Variants in HYAL4 observed in about 807,000 individuals in gnomAD.
HYAL4 encodes the protein hyaluronidase-4.
In HYAL4, 37 loss-of-function variants were observed where a neutral mutation model predicts 35.2. The observed-to-expected ratio is 1.05, with a 90% CI of 0.81 to 1.38. The LOEUF is 1.38. HYAL4 is among the 40% of genes most tolerant of loss of function. The pLI is 0.00. For missense variants in HYAL4, 572 were observed against 572.4 expected (o/e 1.00, Z 0.01); for synonymous variants, 198 against 203.2 (o/e 0.97, Z 0.22).
the HYAL4 span, among the ~76,000 whole-genome samples, chr7:123,807,318 A>G: frequency 6.6e-6 from 1 of 152,232 alleles, no homozygotes; most frequent in Non-Finnish European, 1.5e-5. Context: ...AGAAAACTAA[A>G]ACCATAAATA....
chr7:123,843,972 T>C (rs1806122764), upstream of HYAL4, among the ~76,000 whole-genome samples: 2 of 152,014 alleles, frequency 1.3e-5, no homozygotes, highest in African/African-American at 4.8e-5. Context: ...AGTTTGTTAT[T>C]ACTGACCTTC....
chr7:123,780,182 C>T, the HYAL4 span, among the ~76,000 whole-genome samples: 1 of 152,160 alleles, frequency 6.6e-6, no homozygotes, highest in South Asian at 2.1e-4. Flanking sequence ...CTAAGTCATA[C>T]TATAGATTAC....
At chr7:123,842,571 T>TG (rs780561877), upstream of HYAL4, among the ~76,000 whole-genome samples, 32 of 151,998 alleles carry the variant, frequency 2.1e-4, 2 homozygotes, top group Non-Finnish European at 4.6e-4. Context: ...TCTGTCATGT[T>TG]GATCTGTCTA....
chr7:123,817,671 G>A, the HYAL4 span, among the ~76,000 whole-genome samples: 1 of 149,298 alleles, frequency 6.7e-6, no homozygotes, highest in Admixed American at 6.7e-5. Context: ...CCACCACGCC[G>A]GCTAATTTTT....
the HYAL4 span, among the ~76,000 whole-genome samples, chr7:123,773,625 T>A: frequency 6.6e-6 from 1 of 152,318 alleles, no homozygotes; most frequent in Non-Finnish European, 1.5e-5. Flanking sequence ...AATTTTACCT[T>A]GGGGTGTGTG....
chr7:123,808,418 C>CGTGTGTGTGTGTGTGT, the HYAL4 span, among the ~76,000 whole-genome samples: 2 of 142,590 alleles, frequency 1.4e-5, no homozygotes, highest in Non-Finnish European at 3.0e-5. Flanking sequence ...TGTATCATCA[C>CGTGTGTGTGTGTGTGT]GTGTGTGTGT....
the HYAL4 span, among the ~76,000 whole-genome samples, chr7:123,807,695 C>T: frequency 2.1e-4 from 32 of 150,890 alleles, no homozygotes; most frequent in African/African-American, 4.9e-4. Context: ...CCTGCCTTGG[C>T]CTCTCAAGGT....
the HYAL4 span, among the ~76,000 whole-genome samples, chr7:123,807,883 C>T: frequency 4.0e-5 from 6 of 149,772 alleles, no homozygotes; most frequent in African/African-American, 1.5e-4. Context: ...AAGTGCATGC[C>T]ACCACATCCA....
chr7:123,843,197 C>G (rs1032236945), upstream of HYAL4, among the ~76,000 whole-genome samples: 3 of 151,934 alleles, frequency 2.0e-5, no homozygotes, highest in African/African-American at 4.8e-5. Context: ...AGGCCTGGTC[C>G]TGACAAAATC....
chr7:123,807,912 A>AT, the HYAL4 span, among the ~76,000 whole-genome samples: 26 of 115,320 alleles, frequency 2.3e-4, no homozygotes, highest in Middle Eastern at 3.9e-3. Context: ...TTTTAGCTGG[A>AT]TAATTATTAT....
the HYAL4 span, among the ~76,000 whole-genome samples, chr7:123,773,207 A>G: frequency 1.3e-5 from 2 of 152,166 alleles, no homozygotes; most frequent in Non-Finnish European, 2.9e-5. Context: ...TAATGCAACA[A>G]ATAGTCCAGG....
At chr7:123,784,541 A>T in the HYAL4 span, among the ~76,000 whole-genome samples, 1 of 152,238 alleles carries the variant, frequency 6.6e-6, no homozygotes, top group Non-Finnish European at 1.5e-5. Context: ...GAAGGTCAGA[A>T]ATAGGAAACC....
At chr7:123,803,472 C>A in the HYAL4 span, among the ~76,000 whole-genome samples, 1 of 152,170 alleles carries the variant, frequency 6.6e-6, no homozygotes, top group African/African-American at 2.4e-5. Flanking sequence ...TTTTCATCTT[C>A]CACAGCTTGC....
In HYAL4 at chr7:123,845,276, T is replaced by G. The variant is rs1390731161; in HGVS notation, c.-531T>G. On this transcript the variant is annotated 5_prime_UTR_variant, in exon 1 of 5. Transcript: ENST00000223026. ...CAGGCTAGAGTGTAGTGGTGTGATC[T>G]CGGCTCACTGCAACCACTGCCTCCT... 1 of 141,658 alleles carries G rather than the reference T, an allele frequency of 7.1e-6. No homozygotes were observed. Among genetic ancestry groups the G allele is most frequent in the Non-Finnish European group, 1.5e-5 (1 of 65,210 alleles). The allele number at this position is 141,658 out of a possible 1,614,324, so 8.8% of individuals were successfully genotyped here. A position where few individuals can be genotyped will look rare whatever the true frequency, so the allele number is the denominator to read the frequency against.
rs568077087 is a variant in HYAL4, at chr7:123,869,322, T to C, written c.954+95T>C. Reference sequence around the variant, plus strand: ...ATGTTCTTTGAAGAATTGATTTCAATTAATGGTTTGTTATATGGGAGCATA... The same window carrying C: ...ATGTTCTTTGAAGAATTGATTTCAACTAATGGTTTGTTATATGGGAGCATA... On this transcript the variant is annotated intron_variant, in intron 3 of 4. Transcript: ENST00000223026. 159 of 880,996 alleles carry C rather than the reference T, an allele frequency of 1.8e-4. 1 individual carries two copies. Among genetic ancestry groups the C allele is most frequent in the Non-Finnish European group, 2.5e-4 (151 of 593,342 alleles). 54.6% of individuals were successfully genotyped at this position (880,996 alleles called of 1,614,324 possible).
At chr7:123,875,991 G>T (rs1176378021) in intron 4 of HYAL4, 11 of 456,434 alleles carry the variant, frequency 2.4e-5, no homozygotes, top group Non-Finnish European at 4.8e-5. Context: ...TGAGAATTAG[G>T]TAGAAACTGA....
chr7:123,805,855 C>T, the HYAL4 span, among the ~76,000 whole-genome samples: 366 of 152,026 alleles, frequency 2.4e-3, no homozygotes, highest in South Asian at 0.017. Flanking sequence ...ATAGGCCGGG[C>T]GTAGTGGCAG....
chr7:123,856,173 A>G (rs1303403165), intron 2 of HYAL4, among the ~76,000 whole-genome samples: 2 of 151,812 alleles, frequency 1.3e-5, no homozygotes, highest in Non-Finnish European at 2.9e-5. Flanking sequence ...GGAGTTTGTT[A>G]TTACCCACCT....
At chr7:123,846,017 T>G (rs2116921570) in intron 1 of HYAL4, among the ~76,000 whole-genome samples, 1 of 152,314 alleles carries the variant, frequency 6.6e-6, no homozygotes, top group South Asian at 2.1e-4. Flanking sequence ...TGCAGGTCTC[T>G]CAGCCATGGA....
Sources: gnomAD v4.1 joint callset for allele counts (sites outside exome capture counted in the v4.1 genomes callset) on GRCh38, gnomAD v4.1.1 for gene constraint, MANE v1.5 for transcripts, NCBI Gene and HGNC (gene_info 2026-07-23, HGNC 2026-07-21) for gene names.